ABCC5: variants seen among roughly 807,000 people sequenced by gnomAD.
ABCC5 encodes ATP binding cassette subfamily C member 5.
In ABCC5, 61 loss-of-function variants were observed where a neutral mutation model predicts 160.9. That is an observed-to-expected ratio of 0.38 (90% CI 0.31 to 0.47). The LOEUF is 0.47. ABCC5 is among the 20% of genes least tolerant of loss of function. ABCC5 has a pLI of 0.99. For synonymous variants in ABCC5, 666 were observed against 700.6 expected, an observed-to-expected ratio of 0.95 and a Z score of 0.78; for missense variants, 1,308 against 1,813.3, an observed-to-expected ratio of 0.72 and a Z score of 5.06.
rs149247302 is a variant in ABCC5, at chr3:183,990,603, G to A, written c.130-1220C>T. On this transcript the variant is annotated intron_variant, in intron 2 of 29. Transcript: ENST00000334444. ...ACACAGAAAGAGCCTGGATGTACACGTGCCTCCCCTGTCACAGCAGCAGCA... is the reference window on the plus strand; with the variant it reads ...ACACAGAAAGAGCCTGGATGTACACATGCCTCCCCTGTCACAGCAGCAGCA... Among the ~76,000 whole-genome samples, 806 of 152,180 alleles carry A rather than the reference G, an allele frequency of 5.3e-3. 13 individuals are homozygous for A. Among genetic ancestry groups the A allele is most frequent in the African/African-American group, 0.018 (747 of 41,514 alleles).
chr3:183,935,054 G>T (rs572587568), intron 26 of ABCC5, among the ~76,000 whole-genome samples: 1 of 150,782 alleles, frequency 6.6e-6, no homozygotes, highest in South Asian at 2.1e-4. Flanking sequence ...TGTTCCTGTG[G>T]CATCTAAAAA....
chr3:183,984,184 C>T (rs1158613308), intron 5 of ABCC5: 2 of 985,382 alleles, frequency 2.0e-6, no homozygotes, highest in Non-Finnish European at 2.4e-6. Context: ...TGAGGAATTA[C>T]CTCTGCTCGG....
At chr3:183,929,198 C>T (rs755362247) in intron 26 of ABCC5, among the ~76,000 whole-genome samples, 26 of 151,972 alleles carry the variant, frequency 1.7e-4, no homozygotes, top group South Asian at 4.1e-4. Flanking sequence ...TTTGGGAGGC[C>T]GAGGCGGGTG....
At chr3:183,946,455 G>A (rs1391335463) in intron 23 of ABCC5, among the ~76,000 whole-genome samples, 2 of 152,176 alleles carry the variant, frequency 1.3e-5, no homozygotes, top group African/African-American at 2.4e-5. Context: ...ATTGCAAAAT[G>A]TGGCTGGACA....
chr3:184,004,136 C>T (rs1686318288), intron 2 of ABCC5, among the ~76,000 whole-genome samples: 1 of 151,546 alleles, frequency 6.6e-6, no homozygotes, highest in Non-Finnish European at 1.5e-5. Flanking sequence ...GGCCTGAAAA[C>T]CACTGATTTA....
chr3:183,955,481 T>C (rs1033871717), intron 17 of ABCC5, among the ~76,000 whole-genome samples: 5 of 152,224 alleles, frequency 3.3e-5, no homozygotes, highest in Admixed American at 1.3e-4. Flanking sequence ...TTGGGTACCC[T>C]TGGCCTAGAG....
chr3:184,001,164 G>C (rs115166649), intron 2 of ABCC5: 7,099 of 447,122 alleles, frequency 0.016, 389 homozygotes, highest in African/African-American at 0.12. Flanking sequence ...GAGGCAGGAG[G>C]ATCACAGGAG....
At position 183,921,448 on chromosome 3, in the gene ABCC5, G is replaced by C; in HGVS notation, c.4213-47C>G. 1 of 1,571,806 alleles carries C rather than the reference G, an allele frequency of 6.4e-7. No individual in the cohort carries two copies. The highest frequency in any genetic ancestry group is 8.6e-7 in the Non-Finnish European group (1 of 1,157,992). The stretch of plus-strand genomic sequence containing the variant: ...TCAGGACACAGCTCTGGGTCATGCA[G>C]GGTGATTCAGAGGATCCACGGCTCA... On this transcript the variant is annotated intron_variant, in intron 29 of 29. Transcript: ENST00000334444. This position sits in a 1 kb window ranked among gnomAD's most constrained non-coding sequence, Gnocchi z 4.1.
At chr3:183,998,481 C>T (rs1392771762) in intron 2 of ABCC5, among the ~76,000 whole-genome samples, 1 of 152,134 alleles carries the variant, frequency 6.6e-6, no homozygotes. Flanking sequence ...ATAGCATGTA[C>T]TATGTGCCAG....
At position 183,989,289 on chromosome 3, in the gene ABCC5, T is replaced by C; in HGVS notation, c.224A>G (p.Glu75Gly). 6.2e-7 allele frequency: 1 copy of C among 1,613,124 alleles called. No homozygotes were observed. The highest frequency in any genetic ancestry group is 1.7e-5 in the Admixed American group (1 of 59,942). The change falls in exon 3 of 30, where the codon GAG (glutamate) becomes GGG (glycine). Residue 75 changes from glutamate (E) to glycine (G), a missense_variant. This residue lies in a region of ABCC5 where 1,142 missense variants were observed against 1,527.1 expected (regional missense o/e 0.75). Transcript: ENST00000334444. The stretch of plus-strand genomic sequence containing the variant: ...ATGATGGTACTTTCCCTTGGGATGC[T>C]CCTCATCCAGGATTCTGAGCTGAGA... ...MHSQLRILDE[E>G]HPKGKYHHGL...
At chr3:183,927,253 T>C (rs1213897539) in intron 28 of ABCC5, 77 bp downstream of exon 28, 2 of 1,425,732 alleles carry the variant, frequency 1.4e-6, no homozygotes, top group Non-Finnish European at 1.9e-6. Flanking sequence ...GGAATACCTT[T>C]GGACCCCAGT....
chr3:183,924,509 G>A (rs1004226486), intron 29 of ABCC5, among the ~76,000 whole-genome samples: 3 of 152,228 alleles, frequency 2.0e-5, no homozygotes, highest in Non-Finnish European at 4.4e-5. Flanking sequence ...AGCTGTCACT[G>A]TGGGAGCTTC....
In ABCC5 at chr3:183,998,681, C is replaced by CAA. The variant is rs11429616; in HGVS notation, c.130-9300_130-9299dup. Among the ~76,000 whole-genome samples the CAA allele has an allele frequency of 9.4e-4, 143 of 151,694 alleles. No individual in the cohort carries two copies. The East Asian group carries it at 0.018, about 19-fold the overall frequency. On this transcript the variant is annotated intron_variant, in intron 2 of 29. Coordinates refer to ENST00000334444, the MANE Select transcript of ABCC5 (RefSeq NM_005688.4). ...TATGCTATGGGCCTGTCAAAAAAAACAAAAAAACAAAAAACAAAACCAAGC... is the reference window on the plus strand; with the variant it reads ...TATGCTATGGGCCTGTCAAAAAAAACAAAAAAAAACAAAAAACAAAACCAAGC...
chr3:183,925,746 A>C, intron 28 of ABCC5, 27 bp from the exon 29 acceptor site: 1 of 1,602,276 alleles, frequency 6.2e-7, no homozygotes, highest in Non-Finnish European at 8.5e-7. Context: ...GGAGAAAGAA[A>C]CTCGATTAAA....
chr3:183,987,927 G>T lies in ABCC5; in HGVS notation c.444-10C>A. 1 of 1,613,206 alleles carries T rather than the reference G, an allele frequency of 6.2e-7. No homozygotes were observed. ...CCACAGTCTCTCTAGTCTTAACAAG[G>T]GCACACGTCCTCGTTACACATCTCC... On this transcript the variant is annotated splice_polypyrimidine_tract_variant and intron_variant, in intron 4 of 29. Transcript: ENST00000334444. This position sits in a 1 kb window ranked among gnomAD's most constrained non-coding sequence, Gnocchi z 4.2.
At chr3:183,999,620 AT>A (rs554677028) in intron 2 of ABCC5, among the ~76,000 whole-genome samples, 1 of 151,900 alleles carries the variant, frequency 6.6e-6, no homozygotes, top group Non-Finnish European at 1.5e-5. Flanking sequence ...TATATACAGC[AT>A]TTTTTAAAAC....
chr3:184,001,243 A>G, intron 2 of ABCC5: 1 of 535,032 alleles, frequency 1.9e-6, no homozygotes, highest in South Asian at 2.8e-5. Context: ...ACAGAGTGAG[A>G]CTCTGACTCT....
chr3:184,011,134 C>T (rs1396094962), intron 2 of ABCC5: 1 of 152,292 alleles, frequency 6.6e-6, no homozygotes, highest in Non-Finnish European at 1.5e-5. Flanking sequence ...CCCAATGCCT[C>T]CCTATCTTCT....
chr3:183,928,377 GCT>G (rs1712815812), intron 27 of ABCC5, among the ~76,000 whole-genome samples: 1 of 152,152 alleles, frequency 6.6e-6, no homozygotes, highest in South Asian at 2.1e-4. Flanking sequence ...CTCCCAAAGT[GCT>G]GGGATTACAG....
Sources: gnomAD v4.1 joint callset for allele counts (sites outside exome capture counted in the v4.1 genomes callset) on GRCh38, gnomAD v4.1.1 for gene constraint, gnomAD v4.1.1 regional missense constraint, Gnocchi (gnomAD v3.1) non-coding constraint, MANE v1.5 for transcripts, NCBI Gene and HGNC (gene_info 2026-07-23, HGNC 2026-07-21) for gene names.